Variants in LOC101059915 observed in about 807,000 individuals in gnomAD.
At chrX:71,670,002 C>G in the LOC101059915 span, among the ~76,000 whole-genome samples, 2 of 112,581 alleles carry the variant, frequency 1.8e-5, no homozygotes, top group East Asian at 2.8e-4. Context: ...TCAGCCATAC[C>G]GGCCCTCCCA....
the LOC101059915 span, chrX:71,670,902 C>T: frequency 9.3e-6 from 7 of 752,266 alleles, no homozygotes; most frequent in Middle Eastern, 7.4e-4. Context: ...TCTCTTAGAA[C>T]GGTTAGAGAT....
At chrX:71,670,695 G>A in the LOC101059915 span, 144 of 1,109,536 alleles carry the variant, frequency 1.3e-4, 1 homozygote, top group South Asian at 2.5e-3. Flanking sequence ...GATGGACAGC[G>A]GTGTCGTTCT....
chrX:71,667,943 G>C, the LOC101059915 span: 2 of 1,152,856 alleles, frequency 1.7e-6, no homozygotes, highest in Non-Finnish European at 2.3e-6. Flanking sequence ...GGGGGGCAGC[G>C]CAGTGGCAAG....
At chrX:71,669,651 A>G in the LOC101059915 span, 2 of 970,319 alleles carry the variant, frequency 2.1e-6, no homozygotes, top group Non-Finnish European at 2.6e-6. Flanking sequence ...CCCAAGTACT[A>G]GGAACCTCAC....
the LOC101059915 span, chrX:71,668,473 A>G: frequency 8.6e-7 from 1 of 1,156,449 alleles, no homozygotes; most frequent in Non-Finnish European, 1.2e-6. Flanking sequence ...TAGGGTGATC[A>G]TTAGCACCAA....
chrX:71,671,283 T>C, the LOC101059915 span: 32 of 1,151,666 alleles, frequency 2.8e-5, no homozygotes, highest in Non-Finnish European at 3.7e-5. Flanking sequence ...CTTTCCACAG[T>C]CCCAGTAGCT....
the LOC101059915 span, chrX:71,667,737 T>C: frequency 2.4e-5 from 23 of 965,995 alleles, no homozygotes; most frequent in Non-Finnish European, 3.0e-5. Context: ...TGGGCTCGGC[T>C]CTCCTCTCCC....
chrX:71,667,874 C>T, the LOC101059915 span: 1 of 1,105,977 alleles, frequency 9.0e-7, no homozygotes, highest in East Asian at 3.4e-5. Context: ...CAGGCCGGCG[C>T]CCACACCGCC....
the LOC101059915 span, chrX:71,671,470 A>G: frequency 2.6e-5 from 10 of 382,418 alleles, no homozygotes; most frequent in Non-Finnish European, 2.8e-5. Flanking sequence ...CTTCTGCTGC[A>G]TTTGCCCCCT....
At chrX:71,669,510 C>T in the LOC101059915 span, 34 of 945,944 alleles carry the variant, frequency 3.6e-5, no homozygotes, top group Non-Finnish European at 4.5e-5. Flanking sequence ...CCCATGTGTA[C>T]TCACCGCCCG....
the LOC101059915 span, chrX:71,670,178 T>C: frequency 9.0e-7 from 1 of 1,114,873 alleles, no homozygotes; most frequent in Non-Finnish European, 1.2e-6. Context: ...CAGAGGGTGA[T>C]GGTGCCTCAC....
At chrX:71,671,424 G>A in the LOC101059915 span, 1 of 480,852 alleles carries the variant, frequency 2.1e-6, no homozygotes, top group Admixed American at 4.0e-5. Context: ...AGCTAAGCGG[G>A]TTCCCTCCAT....
At chrX:71,667,783 C>T in the LOC101059915 span, 7 of 1,040,437 alleles carry the variant, frequency 6.7e-6, no homozygotes, top group South Asian at 1.8e-4. Flanking sequence ...CACAGCCTGG[C>T]TGTCTAGACT....
At chrX:71,668,789 T>C in the LOC101059915 span, 4 of 1,075,593 alleles carry the variant, frequency 3.7e-6, no homozygotes, top group Non-Finnish European at 4.8e-6. Context: ...AAGAAATCCC[T>C]AGAGGGTGCA....
chrX:71,670,222 G>A, the LOC101059915 span: 1 of 1,165,803 alleles, frequency 8.6e-7, no homozygotes, highest in Non-Finnish European at 1.1e-6. Context: ...CACCTCACTG[G>A]GCGGCTTGGA....
the LOC101059915 span, chrX:71,670,504 G>A: frequency 9.3e-7 from 1 of 1,076,058 alleles, no homozygotes; most frequent in Non-Finnish European, 1.2e-6. Context: ...CTCACCACTG[G>A]GCTGCAGGCT....
the LOC101059915 span, chrX:71,668,453 T>A: frequency 1.7e-6 from 2 of 1,160,739 alleles, no homozygotes; most frequent in Admixed American, 5.3e-5. Context: ...AGCAGCGACT[T>A]ACCGGTGATT....
At chrX:71,668,061 C>G in the LOC101059915 span, 1 of 1,156,827 alleles carries the variant, frequency 8.6e-7, no homozygotes, top group Non-Finnish European at 1.2e-6. Flanking sequence ...GCCAGGAAGG[C>G]CGGCCTGGCA....
At chrX:71,669,270 G>A in the LOC101059915 span, among the ~76,000 whole-genome samples, 2 of 111,820 alleles carry the variant, frequency 1.8e-5, no homozygotes, top group Non-Finnish European at 3.8e-5. Flanking sequence ...TGCCAGGCCT[G>A]GCTCTGGACA....
Sources: gnomAD v4.1 joint callset for allele counts (sites outside exome capture counted in the v4.1 genomes callset) on GRCh38, gnomAD v4.1.1 for gene constraint, MANE v1.5 for transcripts.